Variants in BRIP1 observed in about 807,000 individuals in gnomAD.
The protein encoded by BRIP1 is BRCA1 interacting DNA helicase 1.
Under a neutral mutation model 119.7 loss-of-function variants are expected in BRIP1, and 88 were observed. The observed-to-expected ratio is 0.74, with a 90% CI of 0.62 to 0.88. The LOEUF is 0.88. BRIP1 is among the 40% of genes least tolerant of loss of function. BRIP1 has a pLI of 0.00. For missense variants in BRIP1, 1,259 were observed against 1,455.4 expected (o/e 0.87, Z 2.20); for synonymous variants, 443 against 496.5 (o/e 0.89, Z 1.43).
rs1213508222 is a variant in BRIP1 at position 61,699,849 on chromosome 17, A to G, written c.2493-6337T>C. ...GGAAACTGCTAGGCAGAGGCTGCCT[A>G]TATGACCAGCCCCAGTAAAATCCCT... On this transcript the variant is annotated intron_variant, in intron 17 of 19. Transcript: ENST00000259008. The surrounding 1 kb of genome is among the most constrained non-coding windows in gnomAD (Gnocchi z 4.8). 1.3e-5 allele frequency among the ~76,000 whole-genome samples: 2 copies of G among 152,222 alleles called. No homozygotes were observed. Among genetic ancestry groups the G allele is most frequent in the East Asian group, 1.9e-4 (1 of 5,200 alleles).
Position 61,799,492 on chromosome 17 carries a change from G to C in BRIP1, c.1141-193C>G, listed in dbSNP as rs1033205911. Among the ~76,000 whole-genome samples the C allele has an allele frequency of 1.3e-5, 2 of 151,962 alleles. No homozygotes were observed. The highest frequency in any genetic ancestry group is 2.9e-5 in the Non-Finnish European group (2 of 67,974). On this transcript the variant is annotated intron_variant, in intron 8 of 19. Transcript: ENST00000259008. The surrounding 1 kb of genome is among the most constrained non-coding windows in gnomAD (Gnocchi z 5.1). The stretch of plus-strand genomic sequence containing the variant: ...AACCAAATATCAGCTCTACATTATT[G>C]TGTTTGCCATTTTTTTACTCTTAAA...
rs570846990 is a variant in BRIP1, at chr17:61,789,540, G to A, written c.1473+4057C>T. On this transcript the variant is annotated intron_variant, in intron 10 of 19. Coordinates refer to ENST00000259008, the MANE Select transcript of BRIP1 (RefSeq NM_032043.3). The surrounding 1 kb of genome is among the most constrained non-coding windows in gnomAD (Gnocchi z 4.8). ...TTAGGAGAAATATAACATAGGATAA[G>A]AAAAGACTGCTTAAAGTAAATTCAA... is the stretch of plus-strand genomic sequence containing the variant. 6.6e-6 allele frequency among the ~76,000 whole-genome samples: 1 copy of A among 152,134 alleles called. No homozygotes were observed. Among genetic ancestry groups the A allele is most frequent in the Admixed American group, 6.5e-5 (1 of 15,268 alleles).
In BRIP1 at chr17:61,823,757, AACACACACACAC is replaced by A. The variant is rs144749656; in HGVS notation, c.628-15012_628-15001del. ...GCTCAATGACCCCAAGCACACAATA[AACACACACACAC>A]ACACACACACACACACACACACACA... On this transcript the variant is annotated intron_variant, in intron 6 of 19. Coordinates refer to ENST00000259008, the MANE Select transcript of BRIP1 (RefSeq NM_032043.3). This position sits in a 1 kb window ranked among gnomAD's most constrained non-coding sequence, Gnocchi z 4.8. Among the ~76,000 whole-genome samples, 6,689 of 131,716 alleles carry A rather than the reference AACACACACACAC, an allele frequency of 0.051. 343 individuals carry two copies. Among genetic ancestry groups the A allele is most frequent in the South Asian group, 0.29 (1,213 of 4,254 alleles). The allele number at this position is 131,716 out of a possible 152,430, so 86.4% of individuals were successfully genotyped here. A position where few individuals can be genotyped will look rare whatever the true frequency, so the allele number is the denominator to read the frequency against.
chr17:61,820,303 G>A (rs921146555), intron 6 of BRIP1, among the ~76,000 whole-genome samples: 7 of 152,138 alleles, frequency 4.6e-5, no homozygotes, highest in African/African-American at 1.7e-4. Flanking sequence ...AACTTACTTA[G>A]TAGCTGAAGT....
In BRIP1 at chr17:61,816,927, G is replaced by A. The variant is rs961702172; in HGVS notation, c.628-8170C>T. On this transcript the variant is annotated intron_variant, in intron 6 of 19. Transcript: ENST00000259008. This position sits in a 1 kb window ranked among gnomAD's most constrained non-coding sequence, Gnocchi z 5.0. ...ACTGATTCAGGCAAGTTACATAAAT[G>A]GATGCTGAAATCTTTCAGTGAAAAG... is the stretch of plus-strand genomic sequence containing the variant. Among the ~76,000 whole-genome samples the A allele has an allele frequency of 7.9e-5, 12 of 152,108 alleles. No homozygotes were observed. Among genetic ancestry groups the A allele is most frequent in the African/African-American group, 2.9e-4 (12 of 41,424 alleles).
rs941464091 is a variant in BRIP1 at position 61,759,044 on chromosome 17, G to A, written c.2098-14453C>T. 8.7e-4 allele frequency among the ~76,000 whole-genome samples: 60 copies of A among 69,326 alleles called. No individual in the cohort carries two copies. Among genetic ancestry groups the A allele is most frequent in the Middle Eastern group, 0.018 (2 of 114 alleles). The allele number at this position is 69,326 out of a possible 152,430, so 45.5% of individuals were successfully genotyped here. A position where few individuals can be genotyped will look rare whatever the true frequency, so the allele number is the denominator to read the frequency against. ...TAAATAAATAAATAAATAAATAAAT[G>A]GCAGTAATAACTCTTTACCTTTCAA... On this transcript the variant is annotated intron_variant, in intron 14 of 19. Transcript: ENST00000259008. This position sits in a 1 kb window ranked among gnomAD's most constrained non-coding sequence, Gnocchi z 4.9.
In BRIP1 at chr17:61,814,186, C is replaced by A. The variant is rs188681892; in HGVS notation, c.628-5429G>T. Among the ~76,000 whole-genome samples, 15 of 151,854 alleles carry A rather than the reference C, an allele frequency of 9.9e-5. No individual in the cohort carries two copies. Among genetic ancestry groups the A allele is most frequent in the African/African-American group, 3.4e-4 (14 of 41,356 alleles). ...TCCATAGGAAGATATCTTTTATGAT[C>A]GAAATGTAGAGAAGGATTTCCTAAA... On this transcript the variant is annotated intron_variant, in intron 6 of 19. Transcript: ENST00000259008. The surrounding 1 kb of genome is among the most constrained non-coding windows in gnomAD (Gnocchi z 4.9).
chr17:61,727,017 G>A (rs2076774088), intron 16 of BRIP1, among the ~76,000 whole-genome samples: 1 of 152,262 alleles, frequency 6.6e-6, no homozygotes, highest in Admixed American at 6.5e-5. Flanking sequence ...ATGTAAGAAA[G>A]CAGTAAATAG....
In BRIP1 at chr17:61,693,825, AG is replaced by A. The variant is rs1438833214; in HGVS notation, c.2493-314del. Reference sequence around the variant, plus strand: ...AGACTGTTTTCTTTTTTTTACCTTAAGTATTATAAATAATTGTAAAGGTCCT... The same window carrying A: ...AGACTGTTTTCTTTTTTTTACCTTAATATTATAAATAATTGTAAAGGTCCT... On this transcript the variant is annotated intron_variant, in intron 17 of 19. Coordinates refer to ENST00000259008, the MANE Select transcript of BRIP1 (RefSeq NM_032043.3). The surrounding 1 kb of genome is among the most constrained non-coding windows in gnomAD (Gnocchi z 4.2). Among the ~76,000 whole-genome samples the A allele has an allele frequency of 1.3e-5, 2 of 152,108 alleles. No individual in the cohort carries two copies. The highest frequency in any genetic ancestry group is 4.8e-5 in the African/African-American group (2 of 41,466).
rs1173652800 is a variant in BRIP1, at chr17:61,810,443, G to C, written c.628-1686C>G. On this transcript the variant is annotated intron_variant, in intron 6 of 19. Coordinates refer to ENST00000259008, the MANE Select transcript of BRIP1 (RefSeq NM_032043.3). This position sits in a 1 kb window ranked among gnomAD's most constrained non-coding sequence, Gnocchi z 4.7. ...TCAATTAACATACAAAAAGAATTAA[G>C]GTAACTCAATTAGAATTAATTTACT... Among the ~76,000 whole-genome samples the C allele has an allele frequency of 1.3e-5, 2 of 151,988 alleles. No individual in the cohort carries two copies. The highest frequency in any genetic ancestry group is 1.5e-5 in the Non-Finnish European group (1 of 67,994).
intron 6 of BRIP1, among the ~76,000 whole-genome samples, chr17:61,811,587 C>A (rs1178552807): frequency 6.6e-6 from 1 of 151,870 alleles, no homozygotes; most frequent in Non-Finnish European, 1.5e-5. Flanking sequence ...AAAGTTAATT[C>A]TTTTCCCTTT....
At chr17:61,773,651 C>T (rs995003672) in intron 14 of BRIP1, among the ~76,000 whole-genome samples, 2 of 151,766 alleles carry the variant, frequency 1.3e-5, no homozygotes, top group African/African-American at 4.8e-5. Flanking sequence ...GCTCCCATCC[C>T]TACAGAATGG....
rs887419030 is a variant in BRIP1, at chr17:61,742,485, C to T, written c.2379+528G>A. On this transcript the variant is annotated intron_variant, in intron 16 of 19. Coordinates refer to ENST00000259008, the MANE Select transcript of BRIP1 (RefSeq NM_032043.3). This position sits in a 1 kb window ranked among gnomAD's most constrained non-coding sequence, Gnocchi z 4.7. ...TTGCTCACTAAGCTTAATCATGTCT[C>T]GCCTTTGATTTAAAGTAGGAAGCAT... Among the ~76,000 whole-genome samples the T allele has an allele frequency of 2.2e-4, 33 of 152,108 alleles. No homozygotes were observed. Among genetic ancestry groups the T allele is most frequent in the African/African-American group, 8.0e-4 (33 of 41,412 alleles).
chr17:61,741,967 G>T (rs902839775), intron 16 of BRIP1, among the ~76,000 whole-genome samples: 2 of 152,168 alleles, frequency 1.3e-5, no homozygotes, highest in African/African-American at 2.4e-5. Flanking sequence ...GTCCTAGGTG[G>T]CATCTTCTTT....
intron 14 of BRIP1, among the ~76,000 whole-genome samples, chr17:61,749,168 T>C (rs546698840): frequency 6.6e-6 from 1 of 151,570 alleles, no homozygotes; most frequent in African/African-American, 2.4e-5. Flanking sequence ...GCAAAACTCT[T>C]AGAAAAAAAC....
chr17:61,802,126 T>C lies in BRIP1; in HGVS notation c.919-652A>G, dbSNP rs1261859583. Reference sequence around the variant, plus strand: ...TTGGTGTATTTCATTTCATATTTCTTCTATACATGTGTATATAAGGATATC... The same window carrying C: ...TTGGTGTATTTCATTTCATATTTCTCCTATACATGTGTATATAAGGATATC... On this transcript the variant is annotated intron_variant, in intron 7 of 19. Transcript: ENST00000259008. This position sits in a 1 kb window ranked among gnomAD's most constrained non-coding sequence, Gnocchi z 6.0. 6.6e-6 allele frequency among the ~76,000 whole-genome samples: 1 copy of C among 152,168 alleles called. No individual in the cohort carries two copies. The highest frequency in any genetic ancestry group is 1.5e-5 in the Non-Finnish European group (1 of 68,044).
At chr17:61,811,163 T>C (rs1404352995) in intron 6 of BRIP1, among the ~76,000 whole-genome samples, 1 of 152,204 alleles carries the variant, frequency 6.6e-6, no homozygotes, top group African/African-American at 2.4e-5. Flanking sequence ...ATGAACAAAT[T>C]ATAACATCTA....
At chr17:61,714,554 G>T (rs1431137021) in intron 17 of BRIP1, among the ~76,000 whole-genome samples, 2 of 152,064 alleles carry the variant, frequency 1.3e-5, no homozygotes, top group East Asian at 3.9e-4. Context: ...CTAGATTTGT[G>T]TAAGTACATT....
chr17:61,765,826 C>T (rs912134423), intron 14 of BRIP1, among the ~76,000 whole-genome samples: 2 of 93,850 alleles, frequency 2.1e-5, no homozygotes, highest in African/African-American at 1.0e-4. Flanking sequence ...TGACTATATT[C>T]ATGCACACAC....
Sources: gnomAD v4.1 joint callset for allele counts (sites outside exome capture counted in the v4.1 genomes callset) on GRCh38, gnomAD v4.1.1 for gene constraint, Gnocchi (gnomAD v3.1) non-coding constraint, MANE v1.5 for transcripts, NCBI Gene and HGNC (gene_info 2026-07-23, HGNC 2026-07-21) for gene names.